SDCCAG8: variants seen among roughly 807,000 people sequenced by gnomAD.
SDCCAG8 encodes SHH signaling and ciliogenesis regulator SDCCAG8.
SDCCAG8 carries 74 observed loss-of-function variants against 101.8 expected under a neutral mutation model. The observed-to-expected ratio is 0.73, with a 90% CI of 0.60 to 0.88. The LOEUF (loss-of-function observed/expected upper bound fraction) is 0.88. Among genes scored for constraint, SDCCAG8 ranks in the 40% least tolerant of loss-of-function variants. SDCCAG8 has a pLI of 0.00. For missense variants in SDCCAG8, 787 were observed against 822.6 expected, an observed-to-expected ratio of 0.96 and a Z score of 0.53; for synonymous variants, 281 against 292.9, an observed-to-expected ratio of 0.96 and a Z score of 0.41.
At chr1:243,304,580 A>G (rs1028203447) in intron 6 of SDCCAG8, 133 bp from the exon 7 acceptor site, 5 of 629,494 alleles carry the variant, frequency 7.9e-6, no homozygotes, top group African/African-American at 1.9e-5. Context: ...ACTAGGGAAA[A>G]TATTTTCTAA....
At position 243,458,732 on chromosome 1, in the gene SDCCAG8, C is replaced by G. The variant is rs1311875187; in HGVS notation, c.1986-30282C>G. ...AGAATCTTAGCAATATTTTAGCTCC[C>G]ATAATAGTAAAAATTTTTAGAAGCG... On this transcript the variant is annotated intron_variant, in intron 16 of 17. Coordinates refer to ENST00000366541, the MANE Select transcript of SDCCAG8 (RefSeq NM_006642.5). The surrounding 1 kb of genome is among the most constrained non-coding windows in gnomAD (Gnocchi z 4.5). Among the ~76,000 whole-genome samples the G allele has an allele frequency of 6.6e-6, 1 of 152,160 alleles. No individual in the cohort carries two copies. The highest frequency in any genetic ancestry group is 1.5e-5 in the Non-Finnish European group (1 of 68,020).
Position 243,391,606 on chromosome 1 carries a change from T to C in SDCCAG8, c.1616+12743T>C, listed in dbSNP as rs541441817. ...GTAGAGAGAGAGAGCCACAGGCTGC[T>C]TGGTTTTCAGAATATCAAAGGGATT... On this transcript the variant is annotated intron_variant, in intron 13 of 17. Coordinates refer to ENST00000366541, the MANE Select transcript of SDCCAG8 (RefSeq NM_006642.5). Among the ~76,000 whole-genome samples, 50 of 152,314 alleles carry C rather than the reference T, an allele frequency of 3.3e-4. No homozygotes were observed. The South Asian group carries it at 7.2e-3, about 22-fold the overall frequency.
chr1:243,344,173 A>C (rs1351831693), intron 11 of SDCCAG8, 42 bp from the exon 12 acceptor site: 1 of 1,492,976 alleles, frequency 6.7e-7, no homozygotes, highest in South Asian at 1.1e-5. Flanking sequence ...ATTGCCTGGT[A>C]GATTCCAGCA....
intron 9 of SDCCAG8, among the ~76,000 whole-genome samples, chr1:243,330,237 GT>G (rs2074489391): frequency 6.6e-6 from 1 of 152,084 alleles, no homozygotes; most frequent in Non-Finnish European, 1.5e-5. Flanking sequence ...AACACTTGGT[GT>G]TTCTGGTTCC....
chr1:243,379,382 C>T (rs548666212), intron 13 of SDCCAG8, among the ~76,000 whole-genome samples: 2 of 152,270 alleles, frequency 1.3e-5, no homozygotes, highest in Admixed American at 6.5e-5. Flanking sequence ...ATTATTATAA[C>T]CAGGCTTACA....
chr1:243,484,856 C>T (rs113825057), intron 16 of SDCCAG8, among the ~76,000 whole-genome samples: 2,655 of 152,166 alleles, frequency 0.017, 39 homozygotes, highest in African/African-American at 0.033. Flanking sequence ...CCAGCCTGGC[C>T]AACATCGTGA....
At chr1:243,390,485 C>T (rs1020775024) in intron 13 of SDCCAG8, among the ~76,000 whole-genome samples, 1 of 152,230 alleles carries the variant, frequency 6.6e-6, no homozygotes, top group African/African-American at 2.4e-5. Flanking sequence ...GCTAAGAACC[C>T]TGGTCTCAGT....
chr1:243,408,128 G>A (rs1238276074), intron 13 of SDCCAG8, among the ~76,000 whole-genome samples: 1 of 152,154 alleles, frequency 6.6e-6, no homozygotes, highest in Non-Finnish European at 1.5e-5. Context: ...TCAGTAGACA[G>A]GATGATACTT....
At chr1:243,418,183 G>T (rs2080738648) in intron 15 of SDCCAG8, 107 bp downstream of exon 15, 1 of 763,238 alleles carries the variant, frequency 1.3e-6, no homozygotes, top group Non-Finnish European at 2.3e-6. Flanking sequence ...GTCAAAATTA[G>T]GTATCTGCTG....
At chr1:243,268,556 T>C (rs746188076) in intron 1 of SDCCAG8, among the ~76,000 whole-genome samples, 17 of 152,324 alleles carry the variant, frequency 1.1e-4, no homozygotes, top group Non-Finnish European at 1.8e-4. Context: ...TAACTGTGTC[T>C]CTTGTATAGT....
intron 17 of SDCCAG8, among the ~76,000 whole-genome samples, chr1:243,492,351 G>A (rs1221475084): frequency 2.4e-5 from 3 of 123,230 alleles, no homozygotes; most frequent in Middle Eastern, 8.3e-3. Context: ...ACCCGGACTG[G>A]AGTACAGTGG....
chr1:243,495,904 G>C (rs1558554661), intron 17 of SDCCAG8, among the ~76,000 whole-genome samples: 1 of 152,164 alleles, frequency 6.6e-6, no homozygotes, highest in Non-Finnish European at 1.5e-5. Context: ...CCTCGCATGG[G>C]AGAGTCTGGA....
At chr1:243,292,238 A>C (rs2149294233) in intron 5 of SDCCAG8, among the ~76,000 whole-genome samples, 1 of 152,292 alleles carries the variant, frequency 6.6e-6, no homozygotes, top group Admixed American at 6.5e-5. Flanking sequence ...GTCAATCTCC[A>C]GTCCTTTCCC....
chr1:243,267,655 C>G (rs1399885488), intron 1 of SDCCAG8: 2 of 744,782 alleles, frequency 2.7e-6, no homozygotes, highest in Non-Finnish European at 5.0e-6. Flanking sequence ...GTAACACTTA[C>G]ACACACTTAG....
chr1:243,325,095 C>T (rs1030477829), intron 9 of SDCCAG8, among the ~76,000 whole-genome samples: 1 of 152,144 alleles, frequency 6.6e-6, no homozygotes, highest in African/African-American at 2.4e-5. Flanking sequence ...ACAGTTTTCT[C>T]CACCAGAAGA....
chr1:243,381,545 C>T lies in SDCCAG8; in HGVS notation c.1616+2682C>T, dbSNP rs114949480. On this transcript the variant is annotated intron_variant, in intron 13 of 17. Coordinates refer to ENST00000366541, the MANE Select transcript of SDCCAG8 (RefSeq NM_006642.5). ...TCAAGCCTGCTGTGAGCTGTGATTG[C>T]GCCGCTACACTCCAACTTGGGTGAC... Among the ~76,000 whole-genome samples the T allele has an allele frequency of 5.3e-3, 798 of 151,782 alleles. 6 individuals are homozygous for T. The highest frequency in any genetic ancestry group is 0.013 in the South Asian group (63 of 4,788).
At chr1:243,354,115 G>GCAAA (rs1275970453) in intron 12 of SDCCAG8, among the ~76,000 whole-genome samples, 1 of 152,176 alleles carries the variant, frequency 6.6e-6, no homozygotes, top group African/African-American at 2.4e-5. Context: ...AATTTCCTGA[G>GCAAA]CAAACCTCTC....
chr1:243,428,016 G>C (rs2148048022), intron 16 of SDCCAG8, among the ~76,000 whole-genome samples: 1 of 152,308 alleles, frequency 6.6e-6, no homozygotes, highest in African/African-American at 2.4e-5. Context: ...CCAACAAAAT[G>C]AGCCAGAGGA....
chr1:243,491,662 G>C (rs1000268228), intron 17 of SDCCAG8, among the ~76,000 whole-genome samples: 12 of 152,196 alleles, frequency 7.9e-5, no homozygotes, highest in African/African-American at 2.7e-4. Flanking sequence ...GAATCAGCTT[G>C]AGTTGTGAGT....
Sources: allele counts gnomAD v4.1 joint callset (sites outside exome capture counted in the v4.1 genomes callset), GRCh38; gene constraint gnomAD v4.1.1; non-coding constraint Gnocchi (gnomAD v3.1); transcripts MANE v1.5; gene names NCBI Gene and HGNC (gene_info 2026-07-23, HGNC 2026-07-21).